The following ST6GALNAC1 variants were observed in gnomAD, a reference collection of about 807,000 sequenced individuals.
The protein encoded by ST6GALNAC1 is ST6 N-acetylgalactosaminide alpha-2,6-sialyltransferase 1, also known as alpha-N-acetylgalactosaminide alpha-2,6-sialyltransferase 1.
ST6GALNAC1 carries 45 observed loss-of-function variants against 56.8 expected under a neutral mutation model. That is an observed-to-expected ratio of 0.79 (90% confidence interval 0.62 to 1.02). ST6GALNAC1 has a LOEUF of 1.02. ST6GALNAC1 is among the 50% of genes least tolerant of loss of function. The pLI is 0.00. For missense variants in ST6GALNAC1, 743 were observed against 754.8 expected (o/e 0.98, Z 0.18); for synonymous variants, 295 against 297.8 (o/e 0.99, Z 0.10).
rs1337626463 is a variant in ST6GALNAC1, at chr17:76,625,807, G to A, written c.1605+12C>T. The A allele has an allele frequency of 6.6e-7, 1 of 1,521,968 alleles. No individual in the cohort carries two copies. The highest frequency in any genetic ancestry group is 8.8e-7 in the Non-Finnish European group (1 of 1,137,748). 94.3% of individuals were successfully genotyped at this position (1,521,968 alleles called of 1,614,324 possible). On this transcript the variant is annotated intron_variant, in intron 8 of 8. Coordinates refer to ENST00000156626, the MANE Select transcript of ST6GALNAC1 (RefSeq NM_018414.5). ...TTCTCCAGGTATTTCTGCAGCTGCAGTGGAGCCTTACCTGGTCACAGAGCT... is the reference window on the plus strand; with the variant it reads ...TTCTCCAGGTATTTCTGCAGCTGCAATGGAGCCTTACCTGGTCACAGAGCT...
chr17:76,627,637 C>A lies in ST6GALNAC1; in HGVS notation c.832-54G>T. 1.9e-6 allele frequency: 3 copies of A among 1,562,298 alleles called. No homozygotes were observed. Among genetic ancestry groups the A allele is most frequent in the Non-Finnish European group, 2.6e-6 (3 of 1,143,314 alleles). ...GGAGAGACCCAGAAAGGCCATCGGC[C>A]AGGGGCTGCACCACTGCAGCAAGGG... On this transcript the variant is annotated intron_variant, in intron 2 of 8. Transcript: ENST00000156626. This position sits in a 1 kb window ranked among gnomAD's most constrained non-coding sequence, Gnocchi z 4.4.
At chr17:76,638,323 G>A (rs1376826947) in intron 1 of ST6GALNAC1, among the ~76,000 whole-genome samples, 2 of 152,086 alleles carry the variant, frequency 1.3e-5, no homozygotes, top group South Asian at 2.1e-4. Flanking sequence ...GCACGTGGGT[G>A]CGTCTTAAGA....
chr17:76,629,419 G>C lies in ST6GALNAC1; in HGVS notation c.424C>G (p.Gln142Glu). The C allele has an allele frequency of 6.2e-7, 1 of 1,614,142 alleles. No homozygotes were observed. The highest frequency in any genetic ancestry group is 1.3e-5 in the African/African-American group (1 of 75,026). Residue 142 changes from glutamine to glutamate, a missense_variant, in exon 2 of 9, where the codon CAA (glutamine) becomes GAA (glutamate). Physicochemically the swap from Gln to Glu is conservative, Grantham distance 29. Coordinates refer to ENST00000156626, the MANE Select transcript of ST6GALNAC1 (RefSeq NM_018414.5). Reference sequence around the variant, plus strand: ...CTGCCAGAGGCCATCCCTGCATCTTGCCCTCTGGGTGACAGTGTGTTCACC... The same window carrying C: ...CTGCCAGAGGCCATCCCTGCATCTTCCCCTCTGGGTGACAGTGTGTTCACC... ...TMVNTLSPRGQDAGMASGRTE... is the reference protein window; with the variant it reads ...TMVNTLSPRGEDAGMASGRTE...
At position 76,626,792 on chromosome 17, in the gene ST6GALNAC1, G is replaced by T; in HGVS notation, c.1173-3C>A. The T allele has an allele frequency of 6.2e-7, 1 of 1,613,872 alleles. No homozygotes were observed. On this transcript the variant is annotated splice_polypyrimidine_tract_variant and splice_region_variant and intron_variant, in intron 4 of 8. Transcript: ENST00000156626. ...CTTTAATGAGAGCTCCGCTCAATCT[G>T]TGCAGAAAGACACAATCAGACGGGA...
chr17:76,620,704 T>C (rs1263612832), downstream of ST6GALNAC1, among the ~76,000 whole-genome samples: 1 of 152,008 alleles, frequency 6.6e-6, no homozygotes, highest in Admixed American at 6.6e-5. Flanking sequence ...GCCTCCTGAA[T>C]AGCTGGGACT....
the ST6GALNAC1 span, among the ~76,000 whole-genome samples, chr17:76,618,098 G>A: frequency 3.3e-5 from 5 of 152,236 alleles, no homozygotes; most frequent in East Asian, 1.9e-4. Flanking sequence ...AGGTTTCCCC[G>A]TTCTATGTCC....
downstream of ST6GALNAC1, among the ~76,000 whole-genome samples, chr17:76,621,183 T>C (rs1410787764): frequency 9.6e-5 from 2 of 20,854 alleles, no homozygotes; most frequent in African/African-American, 2.7e-4. Context: ...TCTTTCTTTC[T>C]TTCTTTTTTT....
chr17:76,639,523 C>G (rs1336390889), intron 1 of ST6GALNAC1, among the ~76,000 whole-genome samples: 2 of 152,094 alleles, frequency 1.3e-5, no homozygotes, highest in Non-Finnish European at 2.9e-5. Context: ...TGCAATGAGC[C>G]AAGATCGCGC....
At chr17:76,631,551 G>A (rs2075900646) in intron 1 of ST6GALNAC1, among the ~76,000 whole-genome samples, 2 of 152,098 alleles carry the variant, frequency 1.3e-5, no homozygotes, top group Admixed American at 6.5e-5. Flanking sequence ...ACCAGGAATC[G>A]CTCTCTAAGG....
At position 76,626,641 on chromosome 17, in the gene ST6GALNAC1, CT is replaced by C; in HGVS notation, c.1311+9del. 1.9e-6 allele frequency: 3 copies of C among 1,614,122 alleles called. No individual in the cohort carries two copies. The highest frequency in any genetic ancestry group is 2.5e-6 in the Non-Finnish European group (3 of 1,180,002). On this transcript the variant is annotated intron_variant, in intron 5 of 8. Transcript: ENST00000156626. ...TCTGGGTGTGGCCAGGCTCCTTCCT[CT>C]TTGCTCACCTTCCCAAGAGGCACGT... is the stretch of plus-strand genomic sequence containing the variant.
downstream of ST6GALNAC1, among the ~76,000 whole-genome samples, chr17:76,622,689 T>C (rs2075753825): frequency 1.3e-5 from 2 of 152,188 alleles, no homozygotes; most frequent in Non-Finnish European, 2.9e-5. Flanking sequence ...TGTAGTAAAA[T>C]TTACCAGTCT....
intron 1 of ST6GALNAC1, among the ~76,000 whole-genome samples, chr17:76,631,716 A>G (rs1194418139): frequency 6.6e-6 from 1 of 151,364 alleles, no homozygotes; most frequent in Non-Finnish European, 1.5e-5. Flanking sequence ...TTTTCTCCCA[A>G]TTTTTCACTC....
chr17:76,627,567 A>G lies in ST6GALNAC1; in HGVS notation c.848T>C (p.Val283Ala), dbSNP rs1014567160. The part of the protein sequence containing the change: ...GGLQTTCPDS[V>A]KIKASKSLWL... ...CAGCGACTTGGAGGCTTTGATCTTC[A>G]CAGAGTCAGGGCAAGTCTATATACA... is the stretch of plus-strand genomic sequence containing the variant. Residue 283 changes from valine (V) to alanine (A), a missense_variant, in exon 3 of 9, where the codon GTG becomes GCG. Transcript: ENST00000156626. The surrounding 1 kb of genome is among the most constrained non-coding windows in gnomAD (Gnocchi z 4.4). 2.5e-6 allele frequency: 4 copies of G among 1,614,126 alleles called. No individual in the cohort carries two copies. The Admixed American group carries it at 5.0e-5, about 20-fold the overall frequency.
rs749947969 is a variant in ST6GALNAC1, at chr17:76,643,516, CTT to C, written c.121_122del (p.Lys41AlafsTer11). On this transcript the variant is annotated frameshift_variant, in exon 1 of 9. Coordinates refer to ENST00000156626, the MANE Select transcript of ST6GALNAC1 (RefSeq NM_018414.5). LOFTEE classifies it high-confidence loss of function. ...LPSFIKEPQT[K>X]PSRHQRTENI... The stretch of plus-strand genomic sequence containing the variant: ...AAGGACAAGAATCTTACCTGGAAGG[CTT>C]TGTTTGAGGCTCCTTAATAAAAGAG... The C allele has an allele frequency of 1.9e-5, 30 of 1,613,800 alleles. No homozygotes were observed. In the South Asian group the frequency reaches 2.4e-4, roughly 13 times the overall value.
chr17:76,636,693 C>T (rs1009994661), intron 1 of ST6GALNAC1, among the ~76,000 whole-genome samples: 30 of 151,864 alleles, frequency 2.0e-4, no homozygotes, highest in African/African-American at 7.0e-4. Context: ...TCTGGGAGGT[C>T]GGGGGCGCCT....
chr17:76,625,848 G>T lies in ST6GALNAC1; in HGVS notation c.1576C>A (p.Leu526Met), dbSNP rs2075789431. 1 of 1,542,770 alleles carries T rather than the reference G, an allele frequency of 6.5e-7. No homozygotes were observed. The highest frequency in any genetic ancestry group is 2.2e-5 in the East Asian group (1 of 44,472). ...IYRPTTGALL[L>M]LTALQLCDQV... Reference sequence around the variant, plus strand: ...TCACAGAGCTGAAGGGCAGTGAGCAGCAGGAGGGCCCCAGTGGTGGGGCGG... The same window carrying T: ...TCACAGAGCTGAAGGGCAGTGAGCATCAGGAGGGCCCCAGTGGTGGGGCGG... The change falls in exon 8 of 9, where the codon CTG (leucine) becomes ATG (methionine). Residue 526 changes from leucine (L) to methionine (M), a missense_variant. Leu to Met is a conservative substitution (Grantham distance 15). Transcript: ENST00000156626.
At position 76,642,963 on chromosome 17, in the gene ST6GALNAC1, G is replaced by A. The variant is rs150488183; in HGVS notation, c.131+545C>T. On this transcript the variant is annotated intron_variant, in intron 1 of 8. Transcript: ENST00000156626. ...AAAAAGAGGGCCTCTCACTGCTGGA[G>A]ATGTGTGTATTTTCTAAGAAAAATG... is the stretch of plus-strand genomic sequence containing the variant. Among the ~76,000 whole-genome samples the A allele has an allele frequency of 4.0e-5, 6 of 151,490 alleles. No individual in the cohort carries two copies. In the East Asian group the frequency reaches 1.2e-3, roughly 29 times the overall value.
At chr17:76,636,627 C>T (rs1302508304) in intron 1 of ST6GALNAC1, among the ~76,000 whole-genome samples, 1 of 152,102 alleles carries the variant, frequency 6.6e-6, no homozygotes, top group Admixed American at 6.5e-5. Context: ...GTCCTCCCGC[C>T]CGGCCAGCCT....
At chr17:76,630,888 ATTT>A (rs939007475) in intron 1 of ST6GALNAC1, among the ~76,000 whole-genome samples, 10 of 123,352 alleles carry the variant, frequency 8.1e-5, no homozygotes, top group African/African-American at 1.2e-4. Flanking sequence ...ACCGCGCCCA[ATTT>A]TTTTTTTTTT....
Sources: allele counts gnomAD v4.1 joint callset (sites outside exome capture counted in the v4.1 genomes callset), GRCh38; gene constraint gnomAD v4.1.1; non-coding constraint Gnocchi (gnomAD v3.1); transcripts MANE v1.5; gene names NCBI Gene and HGNC (gene_info 2026-07-23, HGNC 2026-07-21).